Variants in ARFRP1 observed in about 807,000 individuals in gnomAD.
The protein encoded by ARFRP1 is ADP-ribosylation factor-related protein 1.
ARFRP1 carries 19 observed loss-of-function variants against 30.3 expected under a neutral mutation model. That is an observed-to-expected ratio of 0.63 (90% CI 0.44 to 0.92). The LOEUF is 0.92. ARFRP1 is among the 40% of genes least tolerant of loss of function. The pLI is 0.00. For synonymous variants in ARFRP1, 133 were observed against 114.2 expected (o/e 1.16, Z -1.05); for missense variants, 245 against 267.5 (o/e 0.92, Z 0.59).
In ARFRP1 at chr20:63,702,169, C is replaced by T. The variant is rs35892492; in HGVS notation, c.313G>A (p.Glu105Lys). 2.7e-4 allele frequency: 429 copies of T among 1,612,132 alleles called. 1 individual carries two copies. In the African/African-American group the frequency reaches 3.9e-3, roughly 15 times the overall value. ...GVIYVIDSTD[E>K]ERLAESKQAF... The stretch of plus-strand genomic sequence containing the variant: ...TGCTTGGACTCAGCCAGCCTCTCCT[C>T]GTCGGTGGAGTCAATGACGTAGATG... Residue 105 changes from glutamate to lysine, a missense_variant, in exon 5 of 8, where the codon GAG (glutamate) becomes AAG (lysine). Glu to Lys is a moderately conservative substitution (Grantham distance 56, BLOSUM62 1). Transcript: ENST00000622789.
At chr20:63,701,525 G>A in intron 6 of ARFRP1, 1 of 556,984 alleles carries the variant, frequency 1.8e-6, no homozygotes. Context: ...TCACCTGGGT[G>A]TCCCCACAGC....
At chr20:63,704,392 C>T (rs1318083384) in intron 4 of ARFRP1, 1 of 152,270 alleles carries the variant, frequency 6.6e-6, no homozygotes, top group African/African-American at 2.4e-5. Context: ...GCATGACTTG[C>T]ACCTCATGTC....
rs1197342025 is a variant in ARFRP1 at position 63,706,690 on chromosome 20, T to A, written c.142A>T (p.Met48Leu). The change falls in exon 3 of 8, where the codon ATG (methionine) becomes TTG (leucine). Residue 48 changes from methionine (M) to leucine (L), a missense_variant. Met to Leu is a conservative substitution (Grantham distance 15). Transcript: ENST00000622789. ...KTRFNKNYKG[M>L]SLSKITTTVG... ...GTGGTGGTGATTTTGGATAGACTCA[T>A]CCCCTTGTAGTTCTTGTTAAATCGG... is the stretch of plus-strand genomic sequence containing the variant. The A allele has an allele frequency of 6.2e-7, 1 of 1,613,898 alleles. No homozygotes were observed. The highest frequency in any genetic ancestry group is 1.7e-5 in the Admixed American group (1 of 60,002).
rs1166178713 is a variant in ARFRP1 at position 63,702,004 on chromosome 20, C to G, written c.347-104G>C. The G allele has an allele frequency of 2.5e-5, 23 of 918,832 alleles. 1 individual carries two copies. Among genetic ancestry groups the G allele is most frequent in the Middle Eastern group, 3.5e-4 (1 of 2,896 alleles). 56.9% of individuals were successfully genotyped at this position (918,832 alleles called of 1,614,324 possible). ...TGTGACAGCCACTCCCTCTGCCCCC[C>G]CCCCCCCCGTCACCCACTAGGCAGG... On this transcript the variant is annotated intron_variant, in intron 5 of 7. Coordinates refer to ENST00000622789, the MANE Select transcript of ARFRP1 (RefSeq NM_001267547.3).
intron 4 of ARFRP1, chr20:63,705,930 A>G (rs1444105798): frequency 5.7e-6 from 2 of 352,554 alleles, no homozygotes; most frequent in Non-Finnish European, 1.1e-5. Context: ...CAGGTTTCAA[A>G]ACATTGAAAG....
chr20:63,700,431 G>A lies in ARFRP1; in HGVS notation c.*12C>T, dbSNP rs1421326618. 2 of 1,606,832 alleles carry A rather than the reference G, an allele frequency of 1.2e-6. No homozygotes were observed. Among genetic ancestry groups the A allele is most frequent in the Admixed American group, 3.3e-5 (2 of 59,996 alleles). ...CAGGGGACCAGCCGTCCCGACGGCA[G>A]CGCGGCTGCGCCTACGTGATGTCCC... On this transcript the variant is annotated 3_prime_UTR_variant, in exon 8 of 8. Coordinates refer to ENST00000622789, the MANE Select transcript of ARFRP1 (RefSeq NM_001267547.3).
In ARFRP1 at chr20:63,702,118, C is replaced by A; in HGVS notation, c.346+18G>T. Reference sequence around the variant, plus strand: ...CACTCACCATCCATCCCTCCCAGAGCAGCCAGGCCGCACTCACCAAACGCC... The same window carrying A: ...CACTCACCATCCATCCCTCCCAGAGAAGCCAGGCCGCACTCACCAAACGCC... On this transcript the variant is annotated intron_variant, in intron 5 of 7. Transcript: ENST00000622789. 1 of 1,608,364 alleles carries A rather than the reference C, an allele frequency of 6.2e-7. No homozygotes were observed. The highest frequency in any genetic ancestry group is 8.5e-7 in the Non-Finnish European group (1 of 1,178,196).
Position 63,700,518 on chromosome 20 carries a change from G to GC in ARFRP1, c.530dup (p.Glu178ArgfsTer138). ...ACTTCACCATCCACTCGATGCCCTC[G>GC]CGCACCCCTTTGCTGTGAAGACAGC... On this transcript the variant is annotated frameshift_variant, in exon 8 of 8. Coordinates refer to ENST00000622789, the MANE Select transcript of ARFRP1 (RefSeq NM_001267547.3). LOFTEE classifies it high-confidence loss of function. 6.2e-7 allele frequency: 1 copy of GC among 1,610,794 alleles called. No individual in the cohort carries two copies. The highest frequency in any genetic ancestry group is 8.5e-7 in the Non-Finnish European group (1 of 1,179,856).
chr20:63,702,039 G>T, intron 5 of ARFRP1, 97 bp downstream of exon 5: 3 of 974,758 alleles, frequency 3.1e-6, no homozygotes, highest in South Asian at 1.3e-5. Flanking sequence ...GAGCACTTCT[G>T]ACCAGACACT....
At position 63,706,757 on chromosome 20, in the gene ARFRP1, G is replaced by A. The variant is rs1398471509; in HGVS notation, c.94-19C>T. The A allele has an allele frequency of 6.3e-7, 1 of 1,577,020 alleles. No homozygotes were observed. The highest frequency in any genetic ancestry group is 8.7e-7 in the Non-Finnish European group (1 of 1,146,514). ...GGAAGGTCTGAGGAGAGAGGCAGAG[G>A]CGAAACACATCAAGGAGGGGCTATA... is the stretch of plus-strand genomic sequence containing the variant. On this transcript the variant is annotated intron_variant, in intron 2 of 7. Transcript: ENST00000622789.
At chr20:63,706,775 G>C (rs780392430) in intron 2 of ARFRP1, 37 bp from the exon 3 acceptor site, 4 of 1,503,718 alleles carry the variant, frequency 2.7e-6, no homozygotes, top group East Asian at 4.5e-5. Flanking sequence ...CATCAAGGAG[G>C]GGCTATACTG....
intron 4 of ARFRP1, 196 bp downstream of exon 4, chr20:63,706,161 C>G: frequency 1.8e-6 from 1 of 563,538 alleles, no homozygotes. Flanking sequence ...CCTACCACCA[C>G]TTTTGGGGCA....
Position 63,706,991 on chromosome 20 carries a change from G to A in ARFRP1, c.93+8C>T, listed in dbSNP as rs902117986. The A allele has an allele frequency of 1.9e-6, 3 of 1,613,064 alleles. No homozygotes were observed. Among genetic ancestry groups the A allele is most frequent in the African/African-American group, 1.3e-5 (1 of 74,918 alleles). On this transcript the variant is annotated splice_region_variant and intron_variant, in intron 2 of 7. Coordinates refer to ENST00000622789, the MANE Select transcript of ARFRP1 (RefSeq NM_001267547.3). The stretch of plus-strand genomic sequence containing the variant: ...GGGAAAGGTGCGCGCAAGGGCGTGG[G>A]CACTCACCGTCTTCCCAGCATTGTC...
chr20:63,701,883 C>G lies in ARFRP1; in HGVS notation c.364G>C (p.Glu122Gln), dbSNP rs762011290. ...KQAFEKVVTS[E>Q]ALCGVPVLVL... ...AAGACGGGGACACCGCACAGCGCCT[C>G]GCTGGTCACCACCTTCTCTGGGGAG... Residue 122 changes from glutamate to glutamine, a missense_variant, in exon 6 of 8, where the codon GAG (glutamate) becomes CAG (glutamine). Coordinates refer to ENST00000622789, the MANE Select transcript of ARFRP1 (RefSeq NM_001267547.3). 1 of 1,550,188 alleles carries G rather than the reference C, an allele frequency of 6.5e-7. No individual in the cohort carries two copies. Among genetic ancestry groups the G allele is most frequent in the Non-Finnish European group, 8.7e-7 (1 of 1,146,952 alleles).
intron 4 of ARFRP1, chr20:63,705,477 G>A (rs1049654347): frequency 7.3e-6 from 3 of 410,010 alleles, no homozygotes; most frequent in Non-Finnish European, 1.4e-5. Flanking sequence ...CTGAGAAGGA[G>A]ATAAACTGCA....
intron 6 of ARFRP1, 94 bp from the exon 7 acceptor site, chr20:63,700,796 C>T: frequency 6.7e-7 from 1 of 1,485,794 alleles, no homozygotes; most frequent in South Asian, 1.2e-5. Flanking sequence ...GCCCTTCACC[C>T]CAGGGAAACA....
chr20:63,701,794 C>G, intron 6 of ARFRP1, 36 bp downstream of exon 6: 1 of 1,545,560 alleles, frequency 6.5e-7, no homozygotes, highest in Non-Finnish European at 8.7e-7. Flanking sequence ...GCTGGGGACT[C>G]GGGAAGCTGC....
rs760833871 is a variant in ARFRP1, at chr20:63,702,229, CA to C, written c.265-13del. The C allele has an allele frequency of 2.2e-5, 35 of 1,610,230 alleles. No individual in the cohort carries two copies. The Middle Eastern group carries it at 9.9e-4, about 45-fold the overall frequency. On this transcript the variant is annotated splice_polypyrimidine_tract_variant and intron_variant, in intron 4 of 7. Transcript: ENST00000622789. Reference sequence around the variant, plus strand: ...CACTCCGCATAATACTGGGAGGAAGCACCAGGAGTTGGGGCTCAGTCCCCAC... The same window carrying C: ...CACTCCGCATAATACTGGGAGGAAGCCCAGGAGTTGGGGCTCAGTCCCCAC...
rs2095560621 is a variant in ARFRP1, at chr20:63,706,648, T to C, written c.181+3A>G. 1 of 1,605,000 alleles carries C rather than the reference T, an allele frequency of 6.2e-7. No homozygotes were observed. The highest frequency in any genetic ancestry group is 8.5e-7 in the Non-Finnish European group (1 of 1,171,716). ...ACCCACAGCCTGCTATTGAGACCCT[T>C]ACTGTTTAGGCCCACGGTGGTGGTG... On this transcript the variant is annotated splice_donor_region_variant and intron_variant, in intron 3 of 7. Transcript: ENST00000622789.
Sources: allele counts gnomAD v4.1 joint callset, GRCh38; gene constraint gnomAD v4.1.1; transcripts MANE v1.5; gene names NCBI Gene and HGNC (gene_info 2026-07-23, HGNC 2026-07-21).